ACSS3: variants seen among roughly 807,000 people sequenced by gnomAD.
The protein encoded by ACSS3 is acyl-CoA synthetase short-chain family member 3, mitochondrial.
A neutral mutation model predicts 84.2 loss-of-function variants in ACSS3; 64 were observed. The observed-to-expected ratio is 0.76, with a 90% CI of 0.62 to 0.94. The LOEUF (loss-of-function observed/expected upper bound fraction) is 0.94, where lower values mean the gene tolerates loss of function less well. Among genes scored for constraint, ACSS3 ranks in the 40% least tolerant of loss-of-function variants. The pLI is 0.00. For synonymous variants in ACSS3, 317 were observed against 310.1 expected (o/e 1.02, Z -0.23); for missense variants, 815 against 867.6 (o/e 0.94, Z 0.76).
chr12:81,234,688 T>C (rs2033574193), intron 13 of ACSS3, among the ~76,000 whole-genome samples: 1 of 151,502 alleles, frequency 6.6e-6, no homozygotes. Flanking sequence ...TTGCCATCCA[T>C]ATACCTTTTT....
intron 9 of ACSS3, among the ~76,000 whole-genome samples, chr12:81,213,982 T>TCC (rs2032795373): frequency 2.5e-5 from 1 of 39,400 alleles, no homozygotes; most frequent in Non-Finnish European, 9.0e-5. Context: ...TTTCTTTCTT[T>TCC]CTTTCTTTCT....
chr12:81,233,487 G>A lies in ACSS3; in HGVS notation c.1719+16G>A. 6.2e-7 allele frequency: 1 copy of A among 1,608,668 alleles called. No individual in the cohort carries two copies. The highest frequency in any genetic ancestry group is 8.5e-7 in the Non-Finnish European group (1 of 1,176,690). On this transcript the variant is annotated intron_variant, in intron 13 of 15. Transcript: ENST00000548058. The stretch of plus-strand genomic sequence containing the variant: ...CATTGAAGAGGTATTGATGAATATT[G>A]GTATTCTATTCCAAGTAGTGCTTAG...
intron 8 of ACSS3, among the ~76,000 whole-genome samples, chr12:81,195,473 C>T (rs941632249): frequency 2.0e-5 from 3 of 151,808 alleles, no homozygotes; most frequent in African/African-American, 7.3e-5. Flanking sequence ...ATAACAGTTC[C>T]CTCAGATGAG....
intron 1 of ACSS3, among the ~76,000 whole-genome samples, chr12:81,086,578 C>T (rs1881328422): frequency 6.6e-6 from 1 of 152,158 alleles, no homozygotes; most frequent in South Asian, 2.1e-4. Context: ...TCGGCTGTGA[C>T]TGATCAACTA....
At chr12:81,085,535 G>C (rs746867950) in intron 1 of ACSS3, among the ~76,000 whole-genome samples, 10 of 152,200 alleles carry the variant, frequency 6.6e-5, no homozygotes, top group African/African-American at 1.7e-4. Context: ...CACACAGCTA[G>C]TTAGCAGAGG....
At chr12:81,232,738 A>C (rs2033507015) in intron 12 of ACSS3, among the ~76,000 whole-genome samples, 1 of 151,828 alleles carries the variant, frequency 6.6e-6, no homozygotes, top group African/African-American at 2.4e-5. Context: ...GTTCATAAAC[A>C]TAGGTATCAA....
chr12:81,210,814 G>A (rs948756480), intron 9 of ACSS3, among the ~76,000 whole-genome samples: 1 of 152,124 alleles, frequency 6.6e-6, no homozygotes, highest in African/African-American at 2.4e-5. Flanking sequence ...TTTTACTAAA[G>A]ATAAATCATG....
chr12:81,115,225 C>T (rs778607302), intron 2 of ACSS3, among the ~76,000 whole-genome samples: 17 of 152,086 alleles, frequency 1.1e-4, no homozygotes, highest in East Asian at 1.9e-4. Flanking sequence ...GGTATGCCCA[C>T]GTTGGACATG....
chr12:81,147,462 G>A (rs1886395562), intron 5 of ACSS3, among the ~76,000 whole-genome samples: 2 of 152,204 alleles, frequency 1.3e-5, no homozygotes, highest in South Asian at 4.1e-4. Context: ...TCAAAGTGGT[G>A]GAGAAGGCAC....
intron 9 of ACSS3, among the ~76,000 whole-genome samples, chr12:81,210,194 C>T (rs2032534548): frequency 6.6e-6 from 1 of 152,142 alleles, no homozygotes. Flanking sequence ...TTCCCCTTCC[C>T]TTTTATAAGA....
chr12:81,141,318 G>A (rs971431312), intron 4 of ACSS3, among the ~76,000 whole-genome samples: 15 of 152,118 alleles, frequency 9.9e-5, no homozygotes, highest in African/African-American at 3.4e-4. Context: ...GAATGGCTTT[G>A]CTTTGAATTT....
intron 8 of ACSS3, among the ~76,000 whole-genome samples, chr12:81,193,199 T>C (rs529828251): frequency 6.6e-6 from 1 of 152,132 alleles, no homozygotes; most frequent in Non-Finnish European, 1.5e-5. Flanking sequence ...AAAATAATGA[T>C]AATCTGTCAT....
At chr12:81,253,210 T>C in intron 13 of ACSS3, 97 bp from the exon 14 acceptor site, 1 of 1,272,674 alleles carries the variant, frequency 7.9e-7, no homozygotes. Flanking sequence ...TGAAATTATA[T>C]GTGTTTGTAT....
Position 81,255,622 on chromosome 12 carries a change from C to G in ACSS3, c.*700C>G, listed in dbSNP as rs1349952063. The G allele has an allele frequency of 6.6e-6, 1 of 151,996 alleles. No individual in the cohort carries two copies. Among genetic ancestry groups the G allele is most frequent in the Non-Finnish European group, 1.5e-5 (1 of 68,076 alleles). The allele number at this position is 151,996 out of a possible 1,614,324, so 9.4% of individuals were successfully genotyped here. On this transcript the variant is annotated 3_prime_UTR_variant, in exon 16 of 16. Coordinates refer to ENST00000548058, the MANE Select transcript of ACSS3 (RefSeq NM_024560.4). Reference sequence around the variant, plus strand: ...ATCACTTGAGGTCAGCAGTTTGAGACGAGCCTGGCCAACATGGTGAAACCC... The same window carrying G: ...ATCACTTGAGGTCAGCAGTTTGAGAGGAGCCTGGCCAACATGGTGAAACCC...
chr12:81,163,132 GA>G (rs80041993), intron 7 of ACSS3, among the ~76,000 whole-genome samples: 10,580 of 152,264 alleles, frequency 0.069, 486 homozygotes, highest in African/African-American at 0.13. Flanking sequence ...TTTCTTTATA[GA>G]ATGATCGGTA....
chr12:81,159,176 G>A (rs1887027710), intron 7 of ACSS3, among the ~76,000 whole-genome samples: 1 of 151,976 alleles, frequency 6.6e-6, no homozygotes, highest in South Asian at 2.1e-4. Flanking sequence ...TTTTATCAGT[G>A]GAATTGGACA....
chr12:81,112,154 C>T (rs564472325), intron 2 of ACSS3, among the ~76,000 whole-genome samples: 2 of 152,220 alleles, frequency 1.3e-5, no homozygotes, highest in South Asian at 2.1e-4. Context: ...ATTGCATTTT[C>T]ATCTTAGAAG....
intron 2 of ACSS3, among the ~76,000 whole-genome samples, chr12:81,129,666 T>C (rs1885356886): frequency 6.6e-6 from 1 of 152,228 alleles, no homozygotes; most frequent in South Asian, 2.1e-4. Context: ...AGGGTACATG[T>C]GCACAACGTG....
At chr12:81,135,562 C>T (rs1885756885) in intron 3 of ACSS3, among the ~76,000 whole-genome samples, 1 of 151,082 alleles carries the variant, frequency 6.6e-6, no homozygotes, top group African/African-American at 2.4e-5. Context: ...AGATCATTAG[C>T]TTAAGTGAAA....
Sources: gnomAD v4.1 joint callset for allele counts (sites outside exome capture counted in the v4.1 genomes callset) on GRCh38, gnomAD v4.1.1 for gene constraint, MANE v1.5 for transcripts, NCBI Gene and HGNC (gene_info 2026-07-23, HGNC 2026-07-21) for gene names.